The following TGFBR1 variants were observed in gnomAD, a reference collection of about 807,000 sequenced individuals.
TGFBR1 encodes the protein transforming growth factor beta receptor 1.
TGFBR1 carries 20 observed loss-of-function variants against 55.1 expected under a neutral mutation model. The observed-to-expected ratio is 0.36, with a 90% CI of 0.26 to 0.53. The LOEUF (loss-of-function observed/expected upper bound fraction) is 0.53, where lower values mean the gene tolerates loss of function less well. TGFBR1 is among the 20% of genes least tolerant of loss of function. The pLI, the probability that TGFBR1 is intolerant of heterozygous loss-of-function variation, is 0.91. For missense variants in TGFBR1, 385 were observed against 617.6 expected, an observed-to-expected ratio of 0.62 and a Z score of 3.99; for synonymous variants, 220 against 214.8, an observed-to-expected ratio of 1.02 and a Z score of -0.21.
intron 2 of TGFBR1, among the ~76,000 whole-genome samples, chr9:99,131,992 A>C (rs1198858681): frequency 6.6e-6 from 1 of 150,530 alleles, no homozygotes; most frequent in Non-Finnish European, 1.5e-5. Flanking sequence ...ATTGGTGGAG[A>C]GATATATACT....
chr9:99,110,456 T>C (rs138378201), intron 1 of TGFBR1, among the ~76,000 whole-genome samples: 1 of 152,348 alleles, frequency 6.6e-6, no homozygotes, highest in East Asian at 1.9e-4. Context: ...TATTTGCTGC[T>C]TAATTTCCAA....
chr9:99,146,717 A>G (rs1019063258), intron 7 of TGFBR1, 108 bp downstream of exon 7: 5 of 1,542,162 alleles, frequency 3.2e-6, no homozygotes, highest in Non-Finnish European at 4.5e-6. Flanking sequence ...TATCTGAAAC[A>G]GGATGTCACC....
Position 99,152,532 on chromosome 9 carries a change from A to G in TGFBR1, c.*3227A>G, listed in dbSNP as rs199886589. 3 of 230,538 alleles carry G rather than the reference A, an allele frequency of 1.3e-5. No homozygotes were observed. Among genetic ancestry groups the G allele is most frequent in the African/African-American group, 4.4e-5 (2 of 45,220 alleles). The allele number at this position is 230,538 out of a possible 1,614,324, so 14.3% of individuals were successfully genotyped here. A position where few individuals can be genotyped will look rare whatever the true frequency, so the allele number is the denominator to read the frequency against. ...CACTTGGCGATTTTGTAGTACATGC[A>G]TGAGTTACCTTTTTTCTCTATGTCT... On this transcript the variant is annotated 3_prime_UTR_variant, in exon 9 of 9. Coordinates refer to ENST00000374994, the MANE Select transcript of TGFBR1 (RefSeq NM_004612.4).
chr9:99,149,374 A>G lies in TGFBR1; in HGVS notation c.*69A>G, dbSNP rs868. 0.18 allele frequency: 289,334 copies of G among 1,597,340 alleles called. 27,686 individuals carry two copies. Among genetic ancestry groups the G allele is most frequent in the Non-Finnish European group, 0.2 (232,683 of 1,166,390 alleles). ...TCCTGGGTTTTAATTTGGGAGGTCAATTGTTCTACCTCACTGAGAGGGAAC... is the reference window on the plus strand; with the variant it reads ...TCCTGGGTTTTAATTTGGGAGGTCAGTTGTTCTACCTCACTGAGAGGGAAC... On this transcript the variant is annotated 3_prime_UTR_variant, in exon 9 of 9. Transcript: ENST00000374994.
intron 1 of TGFBR1, 189 bp from the exon 2 acceptor site, chr9:99,128,666 G>A (rs1181588198): frequency 1.5e-5 from 12 of 784,944 alleles, no homozygotes; most frequent in Non-Finnish European, 2.3e-5. Context: ...GCTTCCACGT[G>A]TATGTGGTTC....
At chr9:99,142,816 T>C (rs538236588) in intron 5 of TGFBR1, 113 bp downstream of exon 5, 3 of 1,265,130 alleles carry the variant, frequency 2.4e-6, no homozygotes, top group Admixed American at 1.8e-5. Context: ...CCCAGCACTT[T>C]GGGAGGCTGA....
At chr9:99,145,654 C>G (rs1052389386) in intron 6 of TGFBR1, among the ~76,000 whole-genome samples, 1 of 152,086 alleles carries the variant, frequency 6.6e-6, no homozygotes, top group African/African-American at 2.4e-5. Flanking sequence ...AGGAAACCAC[C>G]TTGAGGAGGT....
At position 99,149,416 on chromosome 9, in the gene TGFBR1, C is replaced by T; in HGVS notation, c.*111C>T. On this transcript the variant is annotated 3_prime_UTR_variant, in exon 9 of 9. Coordinates refer to ENST00000374994, the MANE Select transcript of TGFBR1 (RefSeq NM_004612.4). ...AGAGGGAACAGAAGGATATTGCTTC[C>T]TTTTGCAGCAGTGTAATAAAGTCAA... The T allele has an allele frequency of 1.4e-6, 2 of 1,479,768 alleles. No individual in the cohort carries two copies. The allele number at this position is 1,479,768 out of a possible 1,614,324, so 91.7% of individuals were successfully genotyped here. A position where few individuals can be genotyped will look rare whatever the true frequency, so the allele number is the denominator to read the frequency against.
rs200543076 is a variant in TGFBR1 at position 99,128,982 on chromosome 9, T to C, written c.225T>C (p.Ile75=). 1.9e-6 allele frequency: 3 copies of C among 1,614,018 alleles called. No homozygotes were observed. In the East Asian group the frequency reaches 6.7e-5, roughly 36 times the overall value. ...VIHNSMCIAE[I]DLIPRDRPFV... ...ACAACAGCATGTGTATAGCTGAAAT[T>C]GACTTAATTCCTCGAGATAGGCCGT... Residue 75 remains isoleucine (I), a synonymous_variant, in exon 2 of 9, where the codon ATT becomes ATC. Transcript: ENST00000374994.
Position 99,150,295 on chromosome 9 carries a change from A to G in TGFBR1, c.*990A>G, listed in dbSNP as rs1018170021. 1.5e-5 allele frequency: 3 copies of G among 197,334 alleles called. No individual in the cohort carries two copies. The highest frequency in any genetic ancestry group is 4.6e-5 in the African/African-American group (2 of 43,370). 12.2% of individuals were successfully genotyped at this position (197,334 alleles called of 1,614,324 possible). A position where few individuals can be genotyped will look rare whatever the true frequency, so the allele number is the denominator to read the frequency against. On this transcript the variant is annotated 3_prime_UTR_variant, in exon 9 of 9. Transcript: ENST00000374994. ...AAGTGGCACTCTAGATGCTTATAGT[A>G]CTTTAATATTTGTAGCATACAGACT...
intron 7 of TGFBR1, 139 bp from the exon 8 acceptor site, chr9:99,147,515 A>C: frequency 1.3e-6 from 1 of 788,156 alleles, no homozygotes; most frequent in Non-Finnish European, 2.0e-6. Context: ...TGTGGATGAG[A>C]TAGAGAAAGC....
chr9:99,121,518 G>C (rs954588250), intron 1 of TGFBR1, among the ~76,000 whole-genome samples: 5 of 152,016 alleles, frequency 3.3e-5, no homozygotes, highest in Non-Finnish European at 7.4e-5. Context: ...GGGTAAGGCA[G>C]ATTACTCAGA....
chr9:99,128,155 G>A (rs1827094503), intron 1 of TGFBR1, among the ~76,000 whole-genome samples: 1 of 152,206 alleles, frequency 6.6e-6, no homozygotes, highest in South Asian at 2.1e-4. Context: ...GTAGATACAA[G>A]TGGGCATGAA....
chr9:99,136,030 T>G (rs1440383817), intron 3 of TGFBR1, among the ~76,000 whole-genome samples: 1 of 152,020 alleles, frequency 6.6e-6, no homozygotes, highest in Non-Finnish European at 1.5e-5. Flanking sequence ...AATTTTTGTA[T>G]ATTTATTAGA....
chr9:99,124,450 C>T (rs1826977688), intron 1 of TGFBR1, among the ~76,000 whole-genome samples: 1 of 151,534 alleles, frequency 6.6e-6, no homozygotes, highest in Non-Finnish European at 1.5e-5. Flanking sequence ...GAGGTGTCTT[C>T]GTTTACGTTT....
chr9:99,142,495 A>T, intron 4 of TGFBR1, 41 bp from the exon 5 acceptor site: 1 of 1,611,918 alleles, frequency 6.2e-7, no homozygotes, highest in Non-Finnish European at 8.5e-7. Context: ...TAAATCATAA[A>T]TGGTCTGCAG....
At chr9:99,118,181 A>G (rs550641091) in intron 1 of TGFBR1, among the ~76,000 whole-genome samples, 1 of 152,280 alleles carries the variant, frequency 6.6e-6, no homozygotes, top group East Asian at 1.9e-4. Context: ...GAGTAACCTT[A>G]TATTAGTGAC....
At chr9:99,141,672 T>C (rs535703928) in intron 4 of TGFBR1, among the ~76,000 whole-genome samples, 8 of 152,314 alleles carry the variant, frequency 5.3e-5, no homozygotes, top group African/African-American at 1.9e-4. Flanking sequence ...TGTCTCCTAA[T>C]GTTGTAATGC....
chr9:99,132,041 G>T (rs1367206668), intron 2 of TGFBR1, among the ~76,000 whole-genome samples: 2 of 147,148 alleles, frequency 1.4e-5, no homozygotes, highest in Non-Finnish European at 3.0e-5. Flanking sequence ...GATGTATGTG[G>T]TTTTTTTTTT....
Sources: allele counts gnomAD v4.1 joint callset (sites outside exome capture counted in the v4.1 genomes callset), GRCh38; gene constraint gnomAD v4.1.1; transcripts MANE v1.5; gene names NCBI Gene and HGNC (gene_info 2026-07-23, HGNC 2026-07-21).